Variants in CTSC observed in about 807,000 individuals in gnomAD.
The protein encoded by CTSC is dipeptidyl peptidase 1.
A neutral mutation model predicts 40.9 loss-of-function variants in CTSC; 37 were observed. The ratio of observed to expected loss-of-function variants is 0.91; its 90% CI spans 0.70 to 1.19. The LOEUF is 1.19. Among genes scored for constraint, CTSC ranks in the 50% most tolerant of loss-of-function variants. CTSC has a pLI of 0.00. For missense variants in CTSC, 594 were observed against 567.3 expected (o/e 1.05, Z -0.48); for synonymous variants, 232 against 207.4 (o/e 1.12, Z -1.02).
In CTSC at chr11:88,335,007, T is replaced by C. The variant is rs756247460; in HGVS notation, c.248A>G (p.His83Arg). 1 of 1,608,324 alleles carries C rather than the reference T, an allele frequency of 6.2e-7. No individual in the cohort carries two copies. The highest frequency in any genetic ancestry group is 1.1e-5 in the South Asian group (1 of 90,938). Residue 83 changes from histidine (H) to arginine (R), a missense_variant, in exon 2 of 7, where the codon CAT becomes CGT. Coordinates refer to ENST00000227266, the MANE Select transcript of CTSC (RefSeq NM_001814.6). Reference sequence around the variant, plus strand: ...GCCTTGGTTGTAAATGATGGTGAAATGGCCAGAATTGCCAAGGTCATCATA... The same window carrying C: ...GCCTTGGTTGTAAATGATGGTGAAACGGCCAGAATTGCCAAGGTCATCATA... ...TAYDDLGNSG[H>R]FTIIYNQGFE...
intron 1 of CTSC, among the ~76,000 whole-genome samples, chr11:88,335,606 C>T (rs1035535610): frequency 3.9e-5 from 6 of 152,074 alleles, no homozygotes; most frequent in African/African-American, 1.4e-4. Flanking sequence ...GCTATGCAGC[C>T]CAGCAGGCAG....
chr11:88,304,156 C>T (rs938671813), intron 4 of CTSC, among the ~76,000 whole-genome samples: 8 of 152,072 alleles, frequency 5.3e-5, no homozygotes, highest in Non-Finnish European at 8.8e-5. Context: ...TTATCACTTA[C>T]TATCTGTGTA....
At chr11:88,303,752 G>C (rs916322406) in intron 4 of CTSC, among the ~76,000 whole-genome samples, 2 of 152,194 alleles carry the variant, frequency 1.3e-5, no homozygotes, top group African/African-American at 4.8e-5. Context: ...AACACAGCAA[G>C]GCCTGTCCAG....
At chr11:88,328,464 C>G (rs1012528432) in intron 2 of CTSC, among the ~76,000 whole-genome samples, 1 of 152,104 alleles carries the variant, frequency 6.6e-6, no homozygotes, top group Non-Finnish European at 1.5e-5. Context: ...ATAATGAACC[C>G]AGAAGGCTCA....
At position 88,300,629 on chromosome 11, in the gene CTSC, G is replaced by A. The variant is rs749539413; in HGVS notation, c.658C>T (p.Leu220=). The A allele has an allele frequency of 1.2e-6, 2 of 1,611,794 alleles. No homozygotes were observed. The highest frequency in any genetic ancestry group is 1.3e-5 in the African/African-American group (1 of 75,002). The change falls in exon 5 of 7, where the codon CTG becomes TTG. Residue 220 remains leucine, a synonymous_variant. Coordinates refer to ENST00000227266, the MANE Select transcript of CTSC (RefSeq NM_001814.6). ...RKIPRPKPAP[L]TAEIQQKILH... ...ATCTTTTGCTGTATTTCAGCAGTCA[G>A]TGGTGCAGGTTTGGGCCTAGAAAGG... is the stretch of plus-strand genomic sequence containing the variant.
At chr11:88,328,254 GA>G in intron 2 of CTSC, 1 of 1,215,044 alleles carries the variant, frequency 8.2e-7, no homozygotes, top group Non-Finnish European at 1.2e-6. Flanking sequence ...GCATCATCAT[GA>G]AAGAAGACAT....
intron 3 of CTSC, among the ~76,000 whole-genome samples, chr11:88,310,336 C>A (rs1210579136): frequency 2.0e-5 from 3 of 152,064 alleles, no homozygotes; most frequent in African/African-American, 7.2e-5. Context: ...ATTCAGGAAG[C>A]TGATTATTCA....
intron 2 of CTSC, among the ~76,000 whole-genome samples, chr11:88,329,655 C>T (rs1443534631): frequency 6.6e-6 from 1 of 152,018 alleles, no homozygotes; most frequent in Non-Finnish European, 1.5e-5. Context: ...ACATATCCAG[C>T]CATCATGTAA....
rs755202464 is a variant in CTSC at position 88,337,534 on chromosome 11, C to T, written c.139G>A (p.Gly47Ser). The stretch of plus-strand genomic sequence containing the variant: ...GAGCAGTTGACATCGCGCTGGGAAC[C>T]GCTGGAGCCCACCTGGAAGACCCAG... The part of the protein sequence containing the change: ...GTWVFQVGSS[G>S]SQRDVNCSVM... The change falls in exon 1 of 7, where the codon GGT becomes AGT. Residue 47 changes from glycine to serine, a missense_variant. Transcript: ENST00000227266. 2.5e-6 allele frequency: 4 copies of T among 1,576,332 alleles called. No homozygotes were observed. The highest frequency in any genetic ancestry group is 3.4e-6 in the Non-Finnish European group (4 of 1,160,074).
intron 2 of CTSC, among the ~76,000 whole-genome samples, chr11:88,315,894 G>A (rs1045757869): frequency 6.6e-6 from 1 of 151,842 alleles, no homozygotes; most frequent in Non-Finnish European, 1.5e-5. Flanking sequence ...AATCTCTTTG[G>A]GATAAAATTT....
At chr11:88,299,682 C>T (rs1374126732) in intron 5 of CTSC, 2 of 152,134 alleles carry the variant, frequency 1.3e-5, no homozygotes, top group African/African-American at 4.8e-5. Context: ...AATTTATAAT[C>T]CTCCCAGGAG....
chr11:88,299,187 A>G (rs1196527691), intron 5 of CTSC: 1 of 152,216 alleles, frequency 6.6e-6, no homozygotes, highest in Non-Finnish European at 1.5e-5. Context: ...ATCATGTGCC[A>G]GGACCTCAAT....
At chr11:88,300,712 T>C (rs1179608058) in intron 4 of CTSC, 67 bp from the exon 5 acceptor site, 2 of 1,013,828 alleles carry the variant, frequency 2.0e-6, no homozygotes, top group African/African-American at 1.6e-5. Flanking sequence ...TCCTAAACTC[T>C]ACTATAATTC....
intron 6 of CTSC, among the ~76,000 whole-genome samples, chr11:88,295,316 CTCAA>C (rs770458778): frequency 6.6e-6 from 1 of 152,186 alleles, no homozygotes; most frequent in African/African-American, 2.4e-5. Context: ...ACGTTTCTCC[CTCAA>C]TCAATTATAG....
chr11:88,301,357 A>G (rs1944358723), intron 4 of CTSC, among the ~76,000 whole-genome samples: 1 of 152,202 alleles, frequency 6.6e-6, no homozygotes, highest in Admixed American at 6.5e-5. Context: ...TACATAAGGC[A>G]TACACCAGGT....
At chr11:88,301,100 A>T (rs945690280) in intron 4 of CTSC, among the ~76,000 whole-genome samples, 1 of 152,154 alleles carries the variant, frequency 6.6e-6, no homozygotes, top group African/African-American at 2.4e-5. Context: ...GCAAAGGGAA[A>T]AAAGGGTCTA....
At chr11:88,302,119 T>A (rs919318387) in intron 4 of CTSC, among the ~76,000 whole-genome samples, 2 of 152,322 alleles carry the variant, frequency 1.3e-5, no homozygotes, top group South Asian at 4.1e-4. Flanking sequence ...GTAAAAATTA[T>A]TTTTTGTTAC....
chr11:88,313,114 G>C (rs1434771959), intron 2 of CTSC, among the ~76,000 whole-genome samples: 1 of 152,152 alleles, frequency 6.6e-6, no homozygotes, highest in Non-Finnish European at 1.5e-5. Context: ...GTGTTGCCCA[G>C]GCTGGAGTGC....
chr11:88,312,206 T>C (rs1937777435), intron 3 of CTSC, among the ~76,000 whole-genome samples, 182 bp downstream of exon 3: 1 of 152,236 alleles, frequency 6.6e-6, no homozygotes, highest in Non-Finnish European at 1.5e-5. Flanking sequence ...TGGAACACTT[T>C]GAAAAAATAC....
Sources: allele counts gnomAD v4.1 joint callset (sites outside exome capture counted in the v4.1 genomes callset), GRCh38; gene constraint gnomAD v4.1.1; transcripts MANE v1.5; gene names NCBI Gene and HGNC (gene_info 2026-07-23, HGNC 2026-07-21).